The following CLNK variants were observed in gnomAD, a reference collection of about 807,000 sequenced individuals.
CLNK encodes cytokine-dependent hematopoietic cell linker.
A neutral mutation model predicts 68.6 loss-of-function variants in CLNK; 74 were observed. The observed-to-expected ratio is 1.08, with a 90% CI of 0.89 to 1.31. The LOEUF (loss-of-function observed/expected upper bound fraction) is 1.31, where lower values mean the gene tolerates loss of function less well. Among genes scored for constraint, CLNK ranks in the 50% most tolerant of loss-of-function variants. The probability of loss-of-function intolerance (pLI) is 0.00; values close to 1 mark genes in which losing one functional copy is unlikely to be tolerated. For missense variants in CLNK, 553 were observed against 515.3 expected (o/e 1.07, Z -0.71); for synonymous variants, 198 against 172.2 (o/e 1.15, Z -1.17).
At chr4:10,689,650 C>T (rs1459051013), upstream of CLNK, among the ~76,000 whole-genome samples, 5 of 151,066 alleles carry the variant, frequency 3.3e-5, no homozygotes, top group African/African-American at 4.9e-5. Flanking sequence ...AAACACAAAA[C>T]AGAACTATTG....
chr4:10,719,614 T>C, the CLNK span, among the ~76,000 whole-genome samples: 3 of 152,194 alleles, frequency 2.0e-5, no homozygotes, highest in Admixed American at 6.5e-5. Context: ...GAATTCACAA[T>C]TGCAGATGGA....
At chr4:10,522,139 T>G (rs1718097806) in intron 14 of CLNK, among the ~76,000 whole-genome samples, 1 of 151,418 alleles carries the variant, frequency 6.6e-6, no homozygotes, top group African/African-American at 2.4e-5. Flanking sequence ...GCACCTGTAG[T>G]CCCAGCCACT....
At chr4:10,495,461 T>C (rs1716764633) in intron 18 of CLNK, among the ~76,000 whole-genome samples, 1 of 152,204 alleles carries the variant, frequency 6.6e-6, no homozygotes, top group South Asian at 2.1e-4. Context: ...GACATGACTC[T>C]TTCTGTGTTC....
At chr4:10,729,939 T>C in the CLNK span, among the ~76,000 whole-genome samples, 1 of 152,260 alleles carries the variant, frequency 6.6e-6, no homozygotes, top group Non-Finnish European at 1.5e-5. Flanking sequence ...ACAATACTTT[T>C]ACTGCCATTT....
chr4:10,537,619 C>CTT (rs1718814167), intron 11 of CLNK, among the ~76,000 whole-genome samples: 3 of 141,512 alleles, frequency 2.1e-5, no homozygotes, highest in African/African-American at 8.2e-5. Context: ...CTTTCTCTCT[C>CTT]TCTTTCTTTC....
chr4:10,634,302 C>A (rs1184325888), intron 2 of CLNK, among the ~76,000 whole-genome samples: 1 of 152,158 alleles, frequency 6.6e-6, no homozygotes, highest in African/African-American at 2.4e-5. Flanking sequence ...CCTGGGTGGT[C>A]ATTTTGGGAG....
chr4:10,520,730 G>A lies in CLNK; in HGVS notation c.772+61C>T, dbSNP rs945651616. On this transcript the variant is annotated intron_variant, in intron 15 of 18. Transcript: ENST00000226951. ...GGGTTCACAACAGCTAAGTCACAGT[G>A]CCACAATATCACAGTATCGTGACTT... 3.1e-5 allele frequency: 40 copies of A among 1,292,144 alleles called. No homozygotes were observed. In the Admixed American group the frequency reaches 6.8e-4, roughly 22 times the overall value. The allele number at this position is 1,292,144 out of a possible 1,614,324, so 80.0% of individuals were successfully genotyped here.
the CLNK span, among the ~76,000 whole-genome samples, chr4:10,711,786 T>C: frequency 6.6e-6 from 1 of 152,190 alleles, no homozygotes; most frequent in African/African-American, 2.4e-5. Flanking sequence ...ATAGATTATT[T>C]CTTGTCTTGT....
In CLNK at chr4:10,486,791, T is replaced by C. The variant is rs568302152; in HGVS notation, c.*3676A>G. 1 of 152,342 alleles carries C rather than the reference T, an allele frequency of 6.6e-6. No individual in the cohort carries two copies. Among genetic ancestry groups the C allele is most frequent in the Non-Finnish European group, 1.5e-5 (1 of 68,034 alleles). 9.4% of individuals were successfully genotyped at this position (152,342 alleles called of 1,614,324 possible). On this transcript the variant is annotated 3_prime_UTR_variant, in exon 19 of 19. Transcript: ENST00000226951. ...ATCTCAAAGGAGCTTCCTCAAAACA[T>C]TTAATGTTGGCATCACCCCACAAGT...
chr4:10,506,622 C>T (rs1717304105), intron 17 of CLNK, among the ~76,000 whole-genome samples: 1 of 152,082 alleles, frequency 6.6e-6, no homozygotes, highest in South Asian at 2.1e-4. Flanking sequence ...GAAGGAAGCC[C>T]CTTCTATTGT....
At chr4:10,694,676 C>T in the CLNK span, among the ~76,000 whole-genome samples, 3 of 152,190 alleles carry the variant, frequency 2.0e-5, no homozygotes, top group East Asian at 5.8e-4. Flanking sequence ...AATCACCTAA[C>T]GATGCATTTC....
the CLNK span, among the ~76,000 whole-genome samples, chr4:10,732,906 G>A: frequency 6.6e-6 from 1 of 152,090 alleles, no homozygotes; most frequent in Non-Finnish European, 1.5e-5. Context: ...AGAATAATAT[G>A]AATTATTTAT....
chr4:10,541,924 G>C, intron 10 of CLNK, 98 bp downstream of exon 10: 1 of 902,118 alleles, frequency 1.1e-6, no homozygotes, highest in Non-Finnish European at 1.7e-6. Flanking sequence ...AATCATATTA[G>C]ATTTTCAATG....
At chr4:10,550,260 G>A (rs1163347869) in intron 8 of CLNK, among the ~76,000 whole-genome samples, 1 of 152,176 alleles carries the variant, frequency 6.6e-6, no homozygotes, top group East Asian at 1.9e-4. Context: ...TTGGGAGGCC[G>A]AGGCGGGCGG....
the CLNK span, among the ~76,000 whole-genome samples, chr4:10,699,670 A>T: frequency 6.7e-6 from 1 of 150,046 alleles, no homozygotes; most frequent in Non-Finnish European, 1.5e-5. Context: ...CTGCCACCAC[A>T]CCCTGCTAAT....
chr4:10,541,003 T>A (rs1194432317), intron 10 of CLNK, among the ~76,000 whole-genome samples: 4 of 151,874 alleles, frequency 2.6e-5, no homozygotes, highest in Non-Finnish European at 4.4e-5. Flanking sequence ...TCACCTGAGG[T>A]CAGGAATTCA....
chr4:10,537,355 G>T (rs1269593764), intron 11 of CLNK, among the ~76,000 whole-genome samples: 1 of 152,164 alleles, frequency 6.6e-6, no homozygotes, highest in Non-Finnish European at 1.5e-5. Flanking sequence ...CCACACAGCT[G>T]TAATCCCAGC....
At chr4:10,674,950 GA>G (rs1260579494) in intron 1 of CLNK, among the ~76,000 whole-genome samples, 1 of 150,420 alleles carries the variant, frequency 6.6e-6, no homozygotes, top group Admixed American at 6.6e-5. Flanking sequence ...ACAGGGAGGG[GA>G]ACATCACACA....
chr4:10,573,302 C>A (rs368523869), intron 4 of CLNK, among the ~76,000 whole-genome samples: 3 of 152,068 alleles, frequency 2.0e-5, no homozygotes, highest in African/African-American at 7.2e-5. Context: ...TGCCTAGGAC[C>A]AGTACATATG....
Sources: gnomAD v4.1 joint callset for allele counts (sites outside exome capture counted in the v4.1 genomes callset) on GRCh38, gnomAD v4.1.1 for gene constraint, MANE v1.5 for transcripts, NCBI Gene and HGNC (gene_info 2026-07-23, HGNC 2026-07-21) for gene names.